WWTR1: variants seen among roughly 807,000 people sequenced by gnomAD.
The protein encoded by WWTR1 is WW domain-containing transcription regulator protein 1.
Under a neutral mutation model 40.1 loss-of-function variants are expected in WWTR1, and 13 were observed. The observed-to-expected ratio is 0.32, with a 90% CI of 0.21 to 0.52. The LOEUF (loss-of-function observed/expected upper bound fraction) is 0.52, where lower values mean the gene tolerates loss of function less well. WWTR1 is among the 20% of genes least tolerant of loss of function. The probability of loss-of-function intolerance (pLI) is 0.97; values close to 1 mark genes in which losing one functional copy is unlikely to be tolerated. For synonymous variants in WWTR1, 230 were observed against 210.1 expected (o/e 1.09, Z -0.82); for missense variants, 436 against 523.1 (o/e 0.83, Z 1.63).
chr3:149,669,828 G>C (rs1713998244), exon 2 of WWTR1: 1 of 152,202 alleles, frequency 6.6e-6, no homozygotes, highest in Non-Finnish European at 1.5e-5. Context: ...GGTCAGTTCA[G>C]ATCCACCAGG....
chr3:149,643,721 G>A (rs995094377), intron 2 of WWTR1, among the ~76,000 whole-genome samples: 2 of 151,924 alleles, frequency 1.3e-5, no homozygotes, highest in African/African-American at 4.8e-5. Context: ...AGTACCTCAG[G>A]CCCTGTTATG....
intron 1 of WWTR1, among the ~76,000 whole-genome samples, chr3:149,698,707 C>G (rs1715073844): frequency 6.6e-6 from 1 of 152,250 alleles, no homozygotes; most frequent in Admixed American, 6.5e-5. Flanking sequence ...ACCATCAAGC[C>G]TTCTTCACAC....
At chr3:149,589,478 CT>C (rs1271609495) in intron 2 of WWTR1, among the ~76,000 whole-genome samples, 1 of 152,162 alleles carries the variant, frequency 6.6e-6, no homozygotes, top group African/African-American at 2.4e-5. Context: ...CACAAGGCTC[CT>C]TCTCATCCCA....
At chr3:149,586,791 A>G (rs1560073010) in intron 2 of WWTR1, among the ~76,000 whole-genome samples, 1 of 152,196 alleles carries the variant, frequency 6.6e-6, no homozygotes, top group Non-Finnish European at 1.5e-5. Context: ...CTGAAGGATG[A>G]GCTGATCACC....
At chr3:149,535,707 C>CT (rs1735796716) in intron 4 of WWTR1, among the ~76,000 whole-genome samples, 1 of 95,296 alleles carries the variant, frequency 1.0e-5, no homozygotes, top group Non-Finnish European at 2.4e-5. Context: ...TCTGTCTTCA[C>CT]TTAAAAAAAA....
chr3:149,621,414 C>A (rs1173664585), intron 2 of WWTR1, among the ~76,000 whole-genome samples: 4 of 152,082 alleles, frequency 2.6e-5, no homozygotes, highest in African/African-American at 9.7e-5. Context: ...CTAATGCTAG[C>A]AGCAAGTGCT....
rs1430072572 is a variant in WWTR1, at chr3:149,558,168, C to T, written c.568+14696G>A. ...GAATGGGCCCCAAGCAGTACACCTG[C>T]CAGTCTAGGACTCAGAATGAAGTGA... On this transcript the variant is annotated intron_variant, in intron 3 of 6. Coordinates refer to ENST00000360632, the MANE Select transcript of WWTR1 (RefSeq NM_015472.6). 3.3e-5 allele frequency among the ~76,000 whole-genome samples: 5 copies of T among 152,016 alleles called. No individual in the cohort carries two copies. In the East Asian group the frequency reaches 9.6e-4, roughly 29 times the overall value.
chr3:149,622,576 C>T (rs942792584), intron 2 of WWTR1, among the ~76,000 whole-genome samples: 3 of 151,988 alleles, frequency 2.0e-5, no homozygotes, highest in African/African-American at 7.2e-5. Flanking sequence ...TGCGTCCAGG[C>T]GCAGTGGCTC....
intron 1 of WWTR1, among the ~76,000 whole-genome samples, chr3:149,684,620 A>C (rs999188112): frequency 6.7e-6 from 1 of 149,642 alleles, no homozygotes; most frequent in African/African-American, 2.5e-5. Context: ...CTGGAGTGCC[A>C]TGGGGCGATC....
At chr3:149,663,127 G>A (rs1481537331) in intron 2 of WWTR1, among the ~76,000 whole-genome samples, 1 of 152,006 alleles carries the variant, frequency 6.6e-6, no homozygotes, top group African/African-American at 2.4e-5. Flanking sequence ...CCGCCTCCCG[G>A]GTTCAAGCGA....
chr3:149,593,081 C>A (rs535762179), intron 2 of WWTR1, among the ~76,000 whole-genome samples: 1 of 152,284 alleles, frequency 6.6e-6, no homozygotes, highest in South Asian at 2.1e-4. Context: ...TCCGCGTGAT[C>A]TGATTTAGGC....
chr3:149,538,231 T>C (rs1735921722), intron 4 of WWTR1, among the ~76,000 whole-genome samples: 1 of 152,124 alleles, frequency 6.6e-6, no homozygotes, highest in African/African-American at 2.4e-5. Flanking sequence ...AAAATTAAAA[T>C]TTTTTTCTAC....
intron 2 of WWTR1, among the ~76,000 whole-genome samples, chr3:149,647,998 A>G (rs1338869406): frequency 6.6e-6 from 1 of 152,132 alleles, no homozygotes; most frequent in African/African-American, 2.4e-5. Flanking sequence ...TCTCAAAAAC[A>G]CACCCTCAGC....
At chr3:149,577,345 C>T (rs1214897411) in intron 2 of WWTR1, among the ~76,000 whole-genome samples, 4 of 151,938 alleles carry the variant, frequency 2.6e-5, no homozygotes, top group Non-Finnish European at 4.4e-5. Flanking sequence ...ACATTTTTTT[C>T]CTCGACTTAA....
In WWTR1 at chr3:149,517,584, G is replaced by A. The variant is rs1363177710; in HGVS notation, c.*3221C>T. Reference sequence around the variant, plus strand: ...GTCATGAGAACACAACTTGTAATTAGCAACACTTCTGTCAGTCTAGATCAC... The same window carrying A: ...GTCATGAGAACACAACTTGTAATTAACAACACTTCTGTCAGTCTAGATCAC... On this transcript the variant is annotated 3_prime_UTR_variant, in exon 7 of 7. Transcript: ENST00000360632. 1 of 151,950 alleles carries A rather than the reference G, an allele frequency of 6.6e-6. No individual in the cohort carries two copies. Among genetic ancestry groups the A allele is most frequent in the African/African-American group, 2.4e-5 (1 of 41,344 alleles). The allele number at this position is 151,950 out of a possible 1,614,324, so 9.4% of individuals were successfully genotyped here.
chr3:149,719,422 C>T (rs1221850060), intron 4 of WWTR1, among the ~76,000 whole-genome samples: 1 of 152,142 alleles, frequency 6.6e-6, no homozygotes, highest in African/African-American at 2.4e-5. Flanking sequence ...CCACCTGCCT[C>T]GGCTTCCCAA....
chr3:149,720,114 A>T (rs2108237560), intron 4 of WWTR1, among the ~76,000 whole-genome samples: 1 of 152,260 alleles, frequency 6.6e-6, no homozygotes, highest in African/African-American at 2.4e-5. Flanking sequence ...TAAAATTTTT[A>T]AATTTTCATG....
intron 2 of WWTR1, among the ~76,000 whole-genome samples, chr3:149,617,009 C>T (rs991208720): frequency 1.3e-5 from 2 of 151,998 alleles, no homozygotes; most frequent in South Asian, 2.1e-4. Flanking sequence ...CAAGAAAATG[C>T]GAAACTAATG....
intron 1 of WWTR1, among the ~76,000 whole-genome samples, chr3:149,671,788 C>T (rs1714096837): frequency 6.6e-6 from 1 of 151,990 alleles, no homozygotes; most frequent in Admixed American, 6.6e-5. Context: ...TATTATTATG[C>T]TTAAAGGTCT....
Sources: allele counts gnomAD v4.1 joint callset (sites outside exome capture counted in the v4.1 genomes callset), GRCh38; gene constraint gnomAD v4.1.1; transcripts MANE v1.5; gene names NCBI Gene and HGNC (gene_info 2026-07-23, HGNC 2026-07-21).